CDC42BPB: variants seen among roughly 807,000 people sequenced by gnomAD.
CDC42BPB encodes the protein CDC42 binding protein kinase beta.
A neutral mutation model predicts 214.9 loss-of-function variants in CDC42BPB; 37 were observed. The observed-to-expected ratio is 0.17, with a 90% confidence interval of 0.13 to 0.23. CDC42BPB has a LOEUF of 0.23. CDC42BPB is among the 10% of genes least tolerant of loss of function. CDC42BPB has a pLI of 1.00. For synonymous variants in CDC42BPB, 931 were observed against 884.0 expected, an observed-to-expected ratio of 1.05 and a Z score of -0.94; for missense variants, 1,694 against 2,227.0, an observed-to-expected ratio of 0.76 and a Z score of 4.82.
intron 1 of CDC42BPB, among the ~76,000 whole-genome samples, chr14:103,054,195 T>C (rs1888811914): frequency 6.6e-6 from 1 of 152,194 alleles, no homozygotes; most frequent in Admixed American, 6.5e-5. Context: ...AAAAGTTTAC[T>C]ACCTATACTT....
intron 5 of CDC42BPB, among the ~76,000 whole-genome samples, chr14:102,993,079 C>T (rs1472421208): frequency 2.0e-5 from 3 of 152,150 alleles, no homozygotes; most frequent in Admixed American, 6.5e-5. Flanking sequence ...ATCCACACAC[C>T]TCGGCCTCCC....
intron 1 of CDC42BPB, among the ~76,000 whole-genome samples, chr14:103,027,625 C>T (rs1040035862): frequency 3.9e-5 from 6 of 152,126 alleles, no homozygotes; most frequent in African/African-American, 7.2e-5. Context: ...CAAAAGACCA[C>T]GTATAGTATG....
chr14:103,047,682 T>C, intron 1 of CDC42BPB, among the ~76,000 whole-genome samples: 1 of 152,046 alleles, frequency 6.6e-6, no homozygotes, highest in East Asian at 1.9e-4. Context: ...AGCGGGCAGA[T>C]TCCCTGAGCT....
In CDC42BPB at chr14:102,943,503, C is replaced by T. The variant is rs889120599; in HGVS notation, c.4408+388G>A. ...TTATTTTCTGGCCACCAAAACCCCT[C>T]AAGCTTGTCTTTACTACTGTGTAAG... On this transcript the variant is annotated intron_variant, in intron 30 of 36. Coordinates refer to ENST00000361246, the MANE Select transcript of CDC42BPB (RefSeq NM_006035.4). This position sits in a 1 kb window ranked among gnomAD's most constrained non-coding sequence, Gnocchi z 4.6. Among the ~76,000 whole-genome samples, 1 of 152,122 alleles carries T rather than the reference C, an allele frequency of 6.6e-6. No individual in the cohort carries two copies. The highest frequency in any genetic ancestry group is 2.4e-5 in the African/African-American group (1 of 41,418).
intron 14 of CDC42BPB, among the ~76,000 whole-genome samples, chr14:102,969,904 G>A (rs1364689423): frequency 6.6e-6 from 1 of 152,248 alleles, no homozygotes; most frequent in African/African-American, 2.4e-5. Flanking sequence ...CGTTTCCTAG[G>A]ACTTACTGTG....
intron 1 of CDC42BPB, among the ~76,000 whole-genome samples, chr14:103,056,654 CCA>C (rs1566932283): frequency 2.7e-5 from 4 of 145,670 alleles, no homozygotes; most frequent in Non-Finnish European, 6.0e-5. Flanking sequence ...TAGGAAGCCG[CCA>C]GGGCGAGGGC....
chr14:103,015,500 A>G (rs1176864946), intron 1 of CDC42BPB, among the ~76,000 whole-genome samples: 2 of 152,158 alleles, frequency 1.3e-5, no homozygotes, highest in Admixed American at 6.5e-5. Flanking sequence ...AAACAGAAAC[A>G]ATAAACATAA....
At chr14:102,967,595 C>A (rs1195995404) in intron 16 of CDC42BPB, among the ~76,000 whole-genome samples, 2 of 152,252 alleles carry the variant, frequency 1.3e-5, no homozygotes, top group Admixed American at 1.3e-4. Context: ...TGTGGTACAG[C>A]CTGTCAATTC....
chr14:102,946,463 C>T lies in CDC42BPB; in HGVS notation c.3748+5G>A. 1 of 1,612,434 alleles carries T rather than the reference C, an allele frequency of 6.2e-7. No homozygotes were observed. The highest frequency in any genetic ancestry group is 8.5e-7 in the Non-Finnish European group (1 of 1,179,920). ...CACCTGAAGGACACAACCTTTGGGACGTACCCACGATGGCAGCTGTCAGGA... is the reference window on the plus strand; with the variant it reads ...CACCTGAAGGACACAACCTTTGGGATGTACCCACGATGGCAGCTGTCAGGA... On this transcript the variant is annotated splice_donor_5th_base_variant and intron_variant, in intron 28 of 36. Coordinates refer to ENST00000361246, the MANE Select transcript of CDC42BPB (RefSeq NM_006035.4).
chr14:103,044,013 C>T (rs778331475), intron 1 of CDC42BPB, among the ~76,000 whole-genome samples: 1 of 152,194 alleles, frequency 6.6e-6, no homozygotes, highest in Non-Finnish European at 1.5e-5. Flanking sequence ...CCATCCCTGA[C>T]ACCTTAATTA....
chr14:102,968,163 C>G, intron 16 of CDC42BPB, 90 bp downstream of exon 16: 1 of 834,916 alleles, frequency 1.2e-6, no homozygotes, highest in Non-Finnish European at 1.9e-6. Flanking sequence ...ATATATATAC[C>G]TACTATGTAC....
In CDC42BPB at chr14:102,933,367, C is replaced by T. The variant is rs113883371; in HGVS notation, c.*345G>A. ...GGCTGTGTCCCCAGATGTCTGCTTC[C>T]GAAGCAGCCGCGTCATGACGGGTTT... On this transcript the variant is annotated 3_prime_UTR_variant, in exon 37 of 37. Transcript: ENST00000361246. 5.8e-4 allele frequency: 128 copies of T among 219,288 alleles called. No individual in the cohort carries two copies. Among genetic ancestry groups the T allele is most frequent in the African/African-American group, 2.7e-3 (121 of 44,076 alleles). 13.6% of individuals were successfully genotyped at this position (219,288 alleles called of 1,614,324 possible).
At chr14:103,036,477 C>T (rs1210849989) in intron 1 of CDC42BPB, among the ~76,000 whole-genome samples, 3 of 152,096 alleles carry the variant, frequency 2.0e-5, no homozygotes. Context: ...AAACACAAGA[C>T]TGAAAGCTTC....
rs150190294 is a variant in CDC42BPB at position 103,017,189 on chromosome 14, G to A, written c.176-5001C>T. ...ATAAAATCATGAACCAGGGTGTAGC[G>A]GCACACACCTGTGGTTCTAGCTCCT... On this transcript the variant is annotated intron_variant, in intron 1 of 36. Coordinates refer to ENST00000361246, the MANE Select transcript of CDC42BPB (RefSeq NM_006035.4). 1.3e-3 allele frequency among the ~76,000 whole-genome samples: 205 copies of A among 152,100 alleles called. 1 individual carries two copies. The highest frequency in any genetic ancestry group is 4.7e-3 in the African/African-American group (196 of 41,506).
chr14:102,961,334 CT>C lies in CDC42BPB; in HGVS notation c.2822-1625del, dbSNP rs933569051. ...ACACACAAAAAATTTTGAAAACCAC[CT>C]TTTTTTTTTTTTCTTGACAGACGGA... On this transcript the variant is annotated intron_variant, in intron 20 of 36. Transcript: ENST00000361246. 2.8e-3 allele frequency among the ~76,000 whole-genome samples: 414 copies of C among 145,782 alleles called. 1 individual carries two copies. The highest frequency in any genetic ancestry group is 0.011 in the East Asian group (57 of 5,030).
chr14:102,954,707 A>C lies in CDC42BPB; in HGVS notation c.2902-19T>G, dbSNP rs186308112. The C allele has an allele frequency of 9.3e-5, 149 of 1,609,542 alleles. No individual in the cohort carries two copies. In the Admixed American group the frequency reaches 2.4e-3, roughly 26 times the overall value. On this transcript the variant is annotated intron_variant, in intron 21 of 36. Coordinates refer to ENST00000361246, the MANE Select transcript of CDC42BPB (RefSeq NM_006035.4). Reference sequence around the variant, plus strand: ...AGCTGGTCTGTGAGAACCAAGAAAGAAAGAGTGGGGTGAAAGGACATATTC... The same window carrying C: ...AGCTGGTCTGTGAGAACCAAGAAAGCAAGAGTGGGGTGAAAGGACATATTC...
chr14:102,957,099 G>A (rs897728037), intron 21 of CDC42BPB, among the ~76,000 whole-genome samples: 4 of 149,424 alleles, frequency 2.7e-5, no homozygotes, highest in Non-Finnish European at 5.9e-5. Flanking sequence ...TACTTGGGAT[G>A]CTGAGGCACA....
intron 1 of CDC42BPB, among the ~76,000 whole-genome samples, chr14:103,029,982 C>T (rs1422544806): frequency 6.6e-6 from 1 of 152,184 alleles, no homozygotes; most frequent in Non-Finnish European, 1.5e-5. Flanking sequence ...TCCAGCCCTC[C>T]CAGCACCTGA....
At chr14:102,995,734 G>A (rs1427642356) in intron 5 of CDC42BPB, among the ~76,000 whole-genome samples, 1 of 152,254 alleles carries the variant, frequency 6.6e-6, no homozygotes, top group African/African-American at 2.4e-5. Flanking sequence ...CCAAGCGGCA[G>A]CACAGTGGCA....
Sources: allele counts gnomAD v4.1 joint callset (sites outside exome capture counted in the v4.1 genomes callset), GRCh38; gene constraint gnomAD v4.1.1; non-coding constraint Gnocchi (gnomAD v3.1); transcripts MANE v1.5; gene names NCBI Gene and HGNC (gene_info 2026-07-23, HGNC 2026-07-21).